The following RGS7 variants were observed in gnomAD, a reference collection of about 807,000 sequenced individuals.
RGS7 encodes the protein regulator of G protein signaling 7.
In RGS7, 27 loss-of-function variants were observed where a neutral mutation model predicts 81.1. The observed-to-expected ratio is 0.33, with a 90% CI of 0.25 to 0.46. The LOEUF (loss-of-function observed/expected upper bound fraction) is 0.46. Ranked by LOEUF, RGS7 falls within the 20% of genes least tolerant of loss-of-function variation. The pLI is 1.00. For missense variants in RGS7, 396 were observed against 607.4 expected, an observed-to-expected ratio of 0.65 and a Z score of 3.66; for synonymous variants, 208 against 207.7, an observed-to-expected ratio of 1.00 and a Z score of -0.01.
At chr1:240,884,700 C>T (rs1667045632) in intron 6 of RGS7, among the ~76,000 whole-genome samples, 1 of 152,188 alleles carries the variant, frequency 6.6e-6, no homozygotes. Flanking sequence ...ACTGGCTAGC[C>T]ATATGCAGAA....
At chr1:241,229,119 T>C (rs1197440368) in intron 2 of RGS7, among the ~76,000 whole-genome samples, 1 of 151,538 alleles carries the variant, frequency 6.6e-6, no homozygotes, top group Non-Finnish European at 1.5e-5. Flanking sequence ...AAAAACAAAT[T>C]TGGAAAATGC....
intron 4 of RGS7, among the ~76,000 whole-genome samples, chr1:240,943,501 G>C (rs1392030378): frequency 1.3e-5 from 2 of 152,206 alleles, no homozygotes; most frequent in Non-Finnish European, 2.9e-5. Context: ...ACATTCAGGA[G>C]CACTTAATCT....
intron 2 of RGS7, among the ~76,000 whole-genome samples, chr1:241,252,373 C>T (rs1225714683): frequency 6.6e-6 from 1 of 152,198 alleles, no homozygotes; most frequent in Non-Finnish European, 1.5e-5. Flanking sequence ...ACTGTAAAAG[C>T]AACTGAAACA....
At chr1:240,859,165 T>C (rs1240752642) in intron 9 of RGS7, among the ~76,000 whole-genome samples, 1 of 151,994 alleles carries the variant, frequency 6.6e-6, no homozygotes, top group Non-Finnish European at 1.5e-5. Flanking sequence ...TCATTTAATT[T>C]ACTGTTTTTT....
At chr1:240,916,241 C>A in intron 6 of RGS7, among the ~76,000 whole-genome samples, 1 of 143,250 alleles carries the variant, frequency 7.0e-6, no homozygotes, top group Non-Finnish European at 1.5e-5. Context: ...CATGCCATTG[C>A]ACTTCAGCCT....
chr1:241,248,142 T>C (rs2076641493), intron 2 of RGS7, among the ~76,000 whole-genome samples: 1 of 152,130 alleles, frequency 6.6e-6, no homozygotes, highest in South Asian at 2.1e-4. Flanking sequence ...CGAATCATTA[T>C]GATTTTACCC....
chr1:241,273,481 T>C (rs2078036388), intron 2 of RGS7, among the ~76,000 whole-genome samples: 2 of 152,130 alleles, frequency 1.3e-5, no homozygotes, highest in South Asian at 4.1e-4. Flanking sequence ...GGGAATTGTT[T>C]TTTGTTCATT....
chr1:241,160,110 CAAAAAAA>C lies in RGS7; in HGVS notation c.79-61355_79-61349del, dbSNP rs369734662. On this transcript the variant is annotated intron_variant, in intron 2 of 18. Coordinates refer to ENST00000440928, the MANE Select transcript of RGS7 (RefSeq NM_001364886.1). ...TGGGTGACAGAGCGAGACTCCATCT[CAAAAAAA>C]AAAAAAAAAAAAAGAAAAAGAAAAA... 4.6e-3 allele frequency among the ~76,000 whole-genome samples: 258 copies of C among 56,162 alleles called. 1 individual carries two copies. Among genetic ancestry groups the C allele is most frequent in the Admixed American group, 0.014 (66 of 4,688 alleles). 36.8% of individuals were successfully genotyped at this position (56,162 alleles called of 152,430 possible).
intron 2 of RGS7, among the ~76,000 whole-genome samples, chr1:241,256,858 T>C (rs2077072243): frequency 6.6e-6 from 1 of 151,728 alleles, no homozygotes; most frequent in Non-Finnish European, 1.5e-5. Context: ...GTTCAGTCCA[T>C]AGCAAGGATA....
intron 6 of RGS7, among the ~76,000 whole-genome samples, chr1:240,910,552 T>TA (rs1671579321): frequency 6.6e-6 from 1 of 152,102 alleles, no homozygotes; most frequent in Non-Finnish European, 1.5e-5. Flanking sequence ...TAGTTAACAA[T>TA]AATGCATGGT....
chr1:241,174,895 G>GTTTTTTTTTTTTTTTT (rs551122102), intron 2 of RGS7, among the ~76,000 whole-genome samples: 4 of 69,232 alleles, frequency 5.8e-5, no homozygotes, highest in African/African-American at 6.0e-5. Context: ...ACAGAATTTT[G>GTTTTTTTTTTTTTTTT]TTTTTTTTTT....
chr1:241,326,280 C>A (rs1046244805), intron 2 of RGS7, among the ~76,000 whole-genome samples: 1 of 152,162 alleles, frequency 6.6e-6, no homozygotes, highest in Non-Finnish European at 1.5e-5. Context: ...CAAAGGATGA[C>A]CACTGTTAAC....
At chr1:240,889,265 C>A (rs561720678) in intron 6 of RGS7, among the ~76,000 whole-genome samples, 16 of 152,120 alleles carry the variant, frequency 1.1e-4, no homozygotes, top group Non-Finnish European at 2.1e-4. Context: ...CGAGAGGTAA[C>A]TTTTGAATTG....
intron 6 of RGS7, among the ~76,000 whole-genome samples, chr1:240,903,000 T>C (rs373600510): frequency 6.6e-6 from 1 of 152,224 alleles, no homozygotes; most frequent in Non-Finnish European, 1.5e-5. Flanking sequence ...TTGAAAGTTT[T>C]CTACAGGGAA....
At chr1:240,965,822 G>A (rs977218693) in intron 4 of RGS7, among the ~76,000 whole-genome samples, 7 of 152,140 alleles carry the variant, frequency 4.6e-5, no homozygotes, top group East Asian at 3.9e-4. Context: ...ACAGTACCAC[G>A]TCAGTGACCA....
intron 2 of RGS7, among the ~76,000 whole-genome samples, chr1:241,134,049 C>A (rs1022854465): frequency 6.6e-6 from 1 of 152,198 alleles, no homozygotes; most frequent in African/African-American, 2.4e-5. Context: ...TATCCTGGAT[C>A]TAATAAAGCA....
intron 2 of RGS7, among the ~76,000 whole-genome samples, chr1:241,310,810 C>T (rs2080483205): frequency 6.6e-6 from 1 of 152,048 alleles, no homozygotes; most frequent in African/African-American, 2.4e-5. Flanking sequence ...CCTTGCCTTG[C>T]TTTTTAAAAT....
intron 2 of RGS7, among the ~76,000 whole-genome samples, chr1:241,287,870 T>C (rs935127479): frequency 2.0e-5 from 3 of 152,182 alleles, no homozygotes; most frequent in Non-Finnish European, 4.4e-5. Flanking sequence ...AGGGGCCATA[T>C]TTTCTAATGA....
intron 2 of RGS7, among the ~76,000 whole-genome samples, chr1:241,304,426 AG>A (rs2079959745): frequency 6.6e-6 from 1 of 152,262 alleles, no homozygotes; most frequent in African/African-American, 2.4e-5. Context: ...GTTGACGCAC[AG>A]CCAACAGCAG....
Sources: allele counts gnomAD v4.1 joint callset (sites outside exome capture counted in the v4.1 genomes callset), GRCh38; gene constraint gnomAD v4.1.1; transcripts MANE v1.5; gene names NCBI Gene and HGNC (gene_info 2026-07-23, HGNC 2026-07-21).